ZZEF1: variants seen among roughly 807,000 people sequenced by gnomAD.
ZZEF1 encodes the protein zinc finger ZZ-type and EF-hand domain containing 1.
Under a neutral mutation model 342.8 loss-of-function variants are expected in ZZEF1, and 157 were observed. That is an observed-to-expected ratio of 0.46 (90% CI 0.40 to 0.52). ZZEF1 has a LOEUF of 0.52. ZZEF1 is among the 20% of genes least tolerant of loss of function. The pLI is 0.00. For missense variants in ZZEF1, 3,480 were observed against 3,725.6 expected, an observed-to-expected ratio of 0.93 and a Z score of 1.72; for synonymous variants, 1,505 against 1,429.1, an observed-to-expected ratio of 1.05 and a Z score of -1.20.
At chr17:4,114,530 T>C (rs997619516) in intron 3 of ZZEF1, 60 bp from the exon 4 acceptor site, 1 of 1,313,386 alleles carries the variant, frequency 7.6e-7, no homozygotes. Context: ...AAAAAAAGAG[T>C]CATTTAAAAT....
chr17:4,057,944 C>A (rs750974116), intron 32 of ZZEF1, 50 bp downstream of exon 32: 2 of 1,572,244 alleles, frequency 1.3e-6, no homozygotes, highest in Non-Finnish European at 8.7e-7. Flanking sequence ...ATGTTCCTTG[C>A]GTTTCATAAC....
intron 3 of ZZEF1, among the ~76,000 whole-genome samples, chr17:4,115,081 G>A (rs1246541982): frequency 1.3e-5 from 2 of 152,098 alleles, no homozygotes; most frequent in Non-Finnish European, 2.9e-5. Flanking sequence ...GAGTGCAGTG[G>A]TGTGATCACA....
At chr17:4,141,623 G>A (rs2058850293) in intron 1 of ZZEF1, among the ~76,000 whole-genome samples, 1 of 151,968 alleles carries the variant, frequency 6.6e-6, no homozygotes, top group African/African-American at 2.4e-5. Flanking sequence ...ATGCTGTGTG[G>A]AGTAAACCAC....
At chr17:4,111,531 C>T (rs1228941896) in intron 5 of ZZEF1, among the ~76,000 whole-genome samples, 2 of 151,348 alleles carry the variant, frequency 1.3e-5, no homozygotes, top group African/African-American at 4.8e-5. Context: ...TGGTGGTGTG[C>T]GCCTGTAATC....
At chr17:4,078,480 C>T (rs965561106) in intron 18 of ZZEF1, among the ~76,000 whole-genome samples, 8 of 152,292 alleles carry the variant, frequency 5.3e-5, no homozygotes, top group South Asian at 2.1e-4. Flanking sequence ...CCTCCAGATA[C>T]GGAAGATTGT....
At chr17:4,026,321 G>C (rs1361037858) in intron 42 of ZZEF1, among the ~76,000 whole-genome samples, 1 of 152,088 alleles carries the variant, frequency 6.6e-6, no homozygotes, top group African/African-American at 2.4e-5. Context: ...GATGAAAACT[G>C]TAAATCTAAG....
Position 4,009,777 on chromosome 17 carries a change from G to A in ZZEF1, c.8580-20C>T, listed in dbSNP as rs1310549698. Reference sequence around the variant, plus strand: ...AGGTCACTGCAGGAGGAGCCCCGGAGGTGGTCAGTTTACTGAGAGCCATGC... The same window carrying A: ...AGGTCACTGCAGGAGGAGCCCCGGAAGTGGTCAGTTTACTGAGAGCCATGC... On this transcript the variant is annotated intron_variant, in intron 52 of 54. Coordinates refer to ENST00000381638, the MANE Select transcript of ZZEF1 (RefSeq NM_015113.4). The A allele has an allele frequency of 1.9e-6, 3 of 1,611,836 alleles. No individual in the cohort carries two copies. The highest frequency in any genetic ancestry group is 2.5e-6 in the Non-Finnish European group (3 of 1,178,622).
intron 12 of ZZEF1, 81 bp downstream of exon 12, chr17:4,090,638 G>T: frequency 4.4e-6 from 5 of 1,148,288 alleles, no homozygotes; most frequent in Non-Finnish European, 5.2e-6. Context: ...TGTAGCATTG[G>T]CACAGGGCTG....
chr17:4,015,763 C>CAA (rs1294470547), intron 49 of ZZEF1, among the ~76,000 whole-genome samples: 1 of 151,842 alleles, frequency 6.6e-6, no homozygotes, highest in East Asian at 1.9e-4. Context: ...GACTCCGTCT[C>CAA]AAAAAAAAGT....
intron 19 of ZZEF1, among the ~76,000 whole-genome samples, chr17:4,077,435 TG>T (rs1462553765): frequency 2.6e-5 from 4 of 152,172 alleles, no homozygotes; most frequent in Non-Finnish European, 5.9e-5. Flanking sequence ...CAGCACCCGT[TG>T]GGTTTCATAT....
intron 9 of ZZEF1, among the ~76,000 whole-genome samples, chr17:4,097,776 G>A (rs1218648062): frequency 2.0e-5 from 3 of 151,950 alleles, no homozygotes; most frequent in Non-Finnish European, 4.4e-5. Context: ...ACATCTTACT[G>A]GTTCCCTCAT....
At position 4,064,756 on chromosome 17, in the gene ZZEF1, G is replaced by T; in HGVS notation, c.4323C>A (p.Cys1441Ter). The change falls in exon 29 of 55, where the codon TGC becomes TGA. Residue 1441 changes from cysteine (C) to a stop codon, truncating the protein, a stop_gained. Coordinates refer to ENST00000381638, the MANE Select transcript of ZZEF1 (RefSeq NM_015113.4). LOFTEE classifies it high-confidence loss of function. Reference protein sequence around the residue: ...LPTGISSKESCEKLETADETS... With the variant: ...LPTGISSKES Reference sequence around the variant, plus strand: ...TTTCATCAGCAGTCTCCAACTTTTCGCAGCTTTCTTTTGAACTTATGCCCG... The same window carrying T: ...TTTCATCAGCAGTCTCCAACTTTTCTCAGCTTTCTTTTGAACTTATGCCCG... The T allele has an allele frequency of 6.2e-7, 1 of 1,613,448 alleles. No individual in the cohort carries two copies.
chr17:4,098,181 T>C (rs1440516108), intron 9 of ZZEF1, among the ~76,000 whole-genome samples: 2 of 142,846 alleles, frequency 1.4e-5, no homozygotes, highest in African/African-American at 5.3e-5. Flanking sequence ...GAGGATGCAG[T>C]AAGCTGAGAT....
chr17:4,124,012 C>T lies in ZZEF1; in HGVS notation c.394G>A (p.Asp132Asn). The T allele has an allele frequency of 6.2e-7, 1 of 1,613,878 alleles. No individual in the cohort carries two copies. Among genetic ancestry groups the T allele is most frequent in the Non-Finnish European group, 8.5e-7 (1 of 1,179,956 alleles). ...AGGGCCTCCAACATGTTCTCGGCATCAACTGTCCCATCACCCTCAGCATCA... is the reference window on the plus strand; with the variant it reads ...AGGGCCTCCAACATGTTCTCGGCATTAACTGTCCCATCACCCTCAGCATCA... ...QFDAEGDGTV[D>N]AENMLEALKN... The change falls in exon 2 of 55, where the codon GAT (aspartate) becomes AAT (asparagine). Residue 132 changes from aspartate to asparagine, a missense_variant. Asp to Asn is a conservative substitution (Grantham distance 23, BLOSUM62 1). Coordinates refer to ENST00000381638, the MANE Select transcript of ZZEF1 (RefSeq NM_015113.4).
chr17:4,059,209 CA>C lies in ZZEF1; in HGVS notation c.4964del (p.Leu1655TrpfsTer11). ...RDTYYQLVLFLVKAVKGFSSL... is the reference protein window; with the variant it reads ...RDTYYQLVLFXVKAVKGFSSL... The stretch of plus-strand genomic sequence containing the variant: ...TACTAAATCCTTTAACTGCTTTGAC[CA>C]AAAACAGAACAAGTTGATAGTAAGT... On this transcript the variant is annotated frameshift_variant, in exon 31 of 55. Coordinates refer to ENST00000381638, the MANE Select transcript of ZZEF1 (RefSeq NM_015113.4). LOFTEE classifies it high-confidence loss of function. The C allele has an allele frequency of 1.2e-6, 2 of 1,607,232 alleles. No homozygotes were observed. The highest frequency in any genetic ancestry group is 3.5e-5 in the Admixed American group (2 of 57,768).
rs775788681 is a variant in ZZEF1, at chr17:4,072,699, G to A, written c.3743C>T (p.Pro1248Leu). The A allele has an allele frequency of 5.0e-6, 8 of 1,613,906 alleles. No individual in the cohort carries two copies. In the African/African-American group the frequency reaches 1.1e-4, roughly 22 times the overall value. ...ATGCCTGAAGACAGGTTTCCACAGT[G>A]GGGAGCTTAGGACTAATGCCATTTT... ...QAKMALVLSS[P>L]LWKPVFRHQV... The change falls in exon 25 of 55, where the codon CCA (proline) becomes CTA (leucine). Residue 1248 changes from proline to leucine, a missense_variant. By Grantham distance (98) the Pro-to-Leu change is moderately conservative. Coordinates refer to ENST00000381638, the MANE Select transcript of ZZEF1 (RefSeq NM_015113.4).
Position 4,095,821 on chromosome 17 carries a change from A to G in ZZEF1, c.1913+10T>C. Reference sequence around the variant, plus strand: ...GATCTTTGTTCTACAAAGATTTTTTACCTTCTTACCTGCTTTTTACAAATT... The same window carrying G: ...GATCTTTGTTCTACAAAGATTTTTTGCCTTCTTACCTGCTTTTTACAAATT... On this transcript the variant is annotated intron_variant, in intron 11 of 54. Coordinates refer to ENST00000381638, the MANE Select transcript of ZZEF1 (RefSeq NM_015113.4). The G allele has an allele frequency of 1.3e-6, 2 of 1,592,174 alleles. No individual in the cohort carries two copies. Among genetic ancestry groups the G allele is most frequent in the Non-Finnish European group, 8.5e-7 (1 of 1,170,064 alleles).
intron 12 of ZZEF1, 59 bp from the exon 13 acceptor site, chr17:4,088,952 A>G: frequency 1.3e-6 from 2 of 1,542,530 alleles, no homozygotes; most frequent in East Asian, 4.6e-5. Context: ...TATTGATTAA[A>G]GAGGGAAAAA....
At chr17:4,132,775 G>C (rs1166434978) in intron 1 of ZZEF1, among the ~76,000 whole-genome samples, 1 of 117,750 alleles carries the variant, frequency 8.5e-6, no homozygotes, top group Non-Finnish European at 2.0e-5. Flanking sequence ...GACCATCCTG[G>C]CTAACACGAT....
Sources: gnomAD v4.1 joint callset for allele counts (sites outside exome capture counted in the v4.1 genomes callset) on GRCh38, gnomAD v4.1.1 for gene constraint, MANE v1.5 for transcripts, NCBI Gene and HGNC (gene_info 2026-07-23, HGNC 2026-07-21) for gene names.